ARHGAP35: variants seen among roughly 807,000 people sequenced by gnomAD.
ARHGAP35 encodes the protein rho GTPase-activating protein 35.
ARHGAP35 carries 15 observed loss-of-function variants against 111.1 expected under a neutral mutation model. The ratio of observed to expected loss-of-function variants is 0.13; its 90% CI spans 0.09 to 0.21. The LOEUF (loss-of-function observed/expected upper bound fraction) is 0.21. Among genes scored for constraint, ARHGAP35 ranks in the 10% least tolerant of loss-of-function variants. The probability of loss-of-function intolerance (pLI) is 1.00; values close to 1 mark genes in which losing one functional copy is unlikely to be tolerated. For missense variants in ARHGAP35, 1,262 were observed against 1,873.0 expected (o/e 0.67, Z 6.02); for synonymous variants, 643 against 710.3 (o/e 0.91, Z 1.51).
intron 3 of ARHGAP35, among the ~76,000 whole-genome samples, chr19:46,982,580 A>G (rs2056626751): frequency 6.6e-6 from 1 of 152,076 alleles, no homozygotes; most frequent in African/African-American, 2.4e-5. Flanking sequence ...AGTATGTGGT[A>G]TCTATTTTGC....
chr19:46,881,186 CA>C (rs2055960811), intron 1 of ARHGAP35, among the ~76,000 whole-genome samples: 1 of 152,106 alleles, frequency 6.6e-6, no homozygotes, highest in Admixed American at 6.6e-5. Flanking sequence ...GTAATCCACC[CA>C]CCTCGGCCTC....
intron 1 of ARHGAP35, among the ~76,000 whole-genome samples, chr19:46,863,662 G>A (rs1296067185): frequency 7.1e-6 from 1 of 141,068 alleles, no homozygotes; most frequent in African/African-American, 2.7e-5. Context: ...CCCCGCCTTC[G>A]CCCCTCCCCC....
intron 1 of ARHGAP35, among the ~76,000 whole-genome samples, chr19:46,870,315 A>C (rs915928392): frequency 6.6e-6 from 1 of 151,088 alleles, no homozygotes; most frequent in East Asian, 2.0e-4. Flanking sequence ...ACGGTGGCTC[A>C]TGCCTGTAAT....
intron 1 of ARHGAP35, among the ~76,000 whole-genome samples, chr19:46,874,607 C>T (rs1363353419): frequency 2.7e-5 from 4 of 147,102 alleles, no homozygotes; most frequent in South Asian, 2.1e-4. Flanking sequence ...TGCGTTCAAG[C>T]GATTCTCCTG....
intron 3 of ARHGAP35, among the ~76,000 whole-genome samples, chr19:46,959,195 G>C (rs1274355819): frequency 1.3e-5 from 2 of 151,820 alleles, no homozygotes; most frequent in Admixed American, 1.3e-4. Flanking sequence ...ATTCTCCCAG[G>C]TAGGGGCTAC....
chr19:46,870,975 C>T (rs891832169), intron 1 of ARHGAP35, among the ~76,000 whole-genome samples: 3 of 152,116 alleles, frequency 2.0e-5, no homozygotes, highest in Admixed American at 6.6e-5. Flanking sequence ...CTACATAGTT[C>T]TTACTGAGCC....
Position 46,982,085 on chromosome 19 carries a change from C to G in ARHGAP35, c.3827-5904C>G, listed in dbSNP as rs188893798. On this transcript the variant is annotated intron_variant, in intron 3 of 6. Coordinates refer to ENST00000672722, the MANE Select transcript of ARHGAP35 (RefSeq NM_004491.5). The stretch of plus-strand genomic sequence containing the variant: ...AGGTTGGTCTCGAACTGGGCTCAAG[C>G]AATCCTCCCGCCTTGGCCTCCCAAA... Among the ~76,000 whole-genome samples, 911 of 152,228 alleles carry G rather than the reference C, an allele frequency of 6.0e-3. 5 individuals carry two copies. The highest frequency in any genetic ancestry group is 0.02 in the South Asian group (96 of 4,818).
chr19:46,864,431 A>G (rs998388507), intron 1 of ARHGAP35, among the ~76,000 whole-genome samples: 2 of 152,192 alleles, frequency 1.3e-5, no homozygotes, highest in Non-Finnish European at 1.5e-5. Context: ...GGGCAATTGT[A>G]TATTAAAGTA....
chr19:46,864,342 A>G (rs2055844551), intron 1 of ARHGAP35, among the ~76,000 whole-genome samples: 1 of 152,140 alleles, frequency 6.6e-6, no homozygotes, highest in Admixed American at 6.5e-5. Context: ...GGGAAAGGGG[A>G]TCTTTTGCAT....
chr19:46,867,952 C>T (rs576607309), intron 1 of ARHGAP35, among the ~76,000 whole-genome samples: 5 of 152,164 alleles, frequency 3.3e-5, no homozygotes, highest in Admixed American at 6.6e-5. Flanking sequence ...CTACAAAGTC[C>T]GCCTCCTGGA....
Position 46,921,560 on chromosome 19 carries a change from G to A in ARHGAP35, c.2885G>A (p.Ser962Asn). 6.2e-7 allele frequency: 1 copy of A among 1,613,968 alleles called. No individual in the cohort carries two copies. The highest frequency in any genetic ancestry group is 1.1e-5 in the South Asian group (1 of 91,078). ...HMYDNAAEAC[S>N]TTEEVFNSPR... ...TACGATAATGCTGCCGAGGCCTGTA[G>A]CACCACCGAAGAGGTGTTTAACTCC... Residue 962 changes from serine to asparagine, a missense_variant, in exon 2 of 7, where the codon AGC becomes AAC. Physicochemically the swap from Ser to Asn is conservative, Grantham distance 46 (BLOSUM62 1). Around this residue, in one of 8 missense-constraint regions of ARHGAP35, gnomAD observed 579 missense variants for 716.9 expected, o/e 0.81. Transcript: ENST00000672722. The surrounding 1 kb of genome is among the most constrained non-coding windows in gnomAD (Gnocchi z 4.3).
rs975630472 is a variant in ARHGAP35 at position 47,000,975 on chromosome 19, C to A, written c.*287C>A. On this transcript the variant is annotated 3_prime_UTR_variant, in exon 7 of 7. Transcript: ENST00000672722. The surrounding 1 kb of genome is among the most constrained non-coding windows in gnomAD (Gnocchi z 6.9). ...CTCTGTTCCCTGGACCACCACCCCA[C>A]GTAGCTGCTCACACCAGCCTCCGGG... 7 of 1,504,058 alleles carry A rather than the reference C, an allele frequency of 4.7e-6. No individual in the cohort carries two copies. Among genetic ancestry groups the A allele is most frequent in the African/African-American group, 4.1e-5 (3 of 72,458 alleles). The allele number at this position is 1,504,058 out of a possible 1,614,324, so 93.2% of individuals were successfully genotyped here. A position where few individuals can be genotyped will look rare whatever the true frequency, so the allele number is the denominator to read the frequency against.
chr19:46,868,587 C>T lies in ARHGAP35; in HGVS notation c.-189+7378C>T, dbSNP rs75760053. 6.1e-3 allele frequency among the ~76,000 whole-genome samples: 923 copies of T among 152,226 alleles called. 6 individuals are homozygous for T. Among genetic ancestry groups the T allele is most frequent in the African/African-American group, 0.021 (861 of 41,534 alleles). On this transcript the variant is annotated intron_variant, in intron 1 of 6. Transcript: ENST00000672722. The stretch of plus-strand genomic sequence containing the variant: ...AGCCAGCATATTTGGAAAAGTTGAG[C>T]ATTTTATGTCTGACCTGAATTCAAA...
At chr19:46,963,690 C>T (rs2056497476) in intron 3 of ARHGAP35, among the ~76,000 whole-genome samples, 1 of 152,070 alleles carries the variant, frequency 6.6e-6, no homozygotes, top group Non-Finnish European at 1.5e-5. Context: ...TCTTGTCTCC[C>T]TGTCACCTCG....
intron 1 of ARHGAP35, among the ~76,000 whole-genome samples, chr19:46,916,065 G>C (rs1204509614): frequency 6.6e-6 from 1 of 151,462 alleles, no homozygotes; most frequent in Non-Finnish European, 1.5e-5. Flanking sequence ...CTCCTGAGTA[G>C]CTGGGACTAC....
chr19:46,973,153 A>G (rs1013979603), intron 3 of ARHGAP35, among the ~76,000 whole-genome samples: 2 of 151,910 alleles, frequency 1.3e-5, no homozygotes, highest in African/African-American at 4.8e-5. Context: ...ACCTGAGGTC[A>G]GGAATTCAAG....
chr19:46,939,278 G>C (rs935495298), intron 3 of ARHGAP35, among the ~76,000 whole-genome samples: 1 of 149,734 alleles, frequency 6.7e-6, no homozygotes, highest in Non-Finnish European at 1.5e-5. Flanking sequence ...CCTGGCTTCA[G>C]TGTCCATCTT....
At position 46,900,914 on chromosome 19, in the gene ARHGAP35, C is replaced by T. The variant is rs187204643; in HGVS notation, c.-188-17574C>T. ...TCCTGCTCAGTGGGACCTGCTCTGGCCATCCCTTTCAGCTCTGTGCATACT... is the reference window on the plus strand; with the variant it reads ...TCCTGCTCAGTGGGACCTGCTCTGGTCATCCCTTTCAGCTCTGTGCATACT... On this transcript the variant is annotated intron_variant, in intron 1 of 6. Transcript: ENST00000672722. Among the ~76,000 whole-genome samples the T allele has an allele frequency of 2.8e-4, 43 of 152,324 alleles. No individual in the cohort carries two copies. In the East Asian group the frequency reaches 7.7e-3, roughly 27 times the overall value.
At chr19:46,894,986 G>A (rs1310131727) in intron 1 of ARHGAP35, among the ~76,000 whole-genome samples, 1 of 152,144 alleles carries the variant, frequency 6.6e-6, no homozygotes, top group Non-Finnish European at 1.5e-5. Context: ...TAGGATTTAT[G>A]TGAATACTGC....
Sources: allele counts gnomAD v4.1 joint callset (sites outside exome capture counted in the v4.1 genomes callset), GRCh38; gene constraint gnomAD v4.1.1; regional missense constraint gnomAD v4.1.1; non-coding constraint Gnocchi (gnomAD v3.1); transcripts MANE v1.5; gene names NCBI Gene and HGNC (gene_info 2026-07-23, HGNC 2026-07-21).